The following TLK1 variants were observed in gnomAD, a reference collection of about 807,000 sequenced individuals.
TLK1 encodes serine/threonine-protein kinase tousled-like 1.
In TLK1, 24 loss-of-function variants were observed where a neutral mutation model predicts 105.3. The observed-to-expected ratio is 0.23, with a 90% CI of 0.17 to 0.32. The LOEUF is 0.32. Ranked by LOEUF, TLK1 falls within the 10% of genes least tolerant of loss-of-function variation. TLK1 has a pLI of 1.00. For synonymous variants in TLK1, 321 were observed against 310.4 expected (o/e 1.03, Z -0.36); for missense variants, 558 against 910.5 (o/e 0.61, Z 4.98).
chr2:171,033,083 G>C (rs1396985899), intron 11 of TLK1, among the ~76,000 whole-genome samples: 4 of 151,978 alleles, frequency 2.6e-5, no homozygotes, highest in African/African-American at 7.3e-5. Context: ...ATGGGCACCT[G>C]CAATCCCAGA....
At chr2:171,152,005 C>A (rs935351570) in intron 1 of TLK1, among the ~76,000 whole-genome samples, 2 of 152,202 alleles carry the variant, frequency 1.3e-5, no homozygotes, top group African/African-American at 2.4e-5. Flanking sequence ...TAGCCTCACA[C>A]AAACCCCTCT....
intron 1 of TLK1, among the ~76,000 whole-genome samples, chr2:171,170,015 AG>A (rs1692697247): frequency 6.6e-6 from 1 of 152,238 alleles, no homozygotes; most frequent in Admixed American, 6.5e-5. Context: ...AAAACTGAAA[AG>A]AAACAGCATG....
intron 1 of TLK1, among the ~76,000 whole-genome samples, chr2:171,124,829 G>A (rs1181412320): frequency 6.6e-6 from 1 of 152,138 alleles, no homozygotes; most frequent in East Asian, 1.9e-4. Flanking sequence ...GTTCTGCACA[G>A]GCTATTCAGA....
intron 14 of TLK1, among the ~76,000 whole-genome samples, chr2:171,008,473 GA>G (rs1684748296): frequency 6.6e-6 from 1 of 152,020 alleles, no homozygotes; most frequent in Non-Finnish European, 1.5e-5. Flanking sequence ...GATAATTGAA[GA>G]AAAAACTAAG....
At chr2:171,076,410 T>C (rs568819896) in intron 3 of TLK1, among the ~76,000 whole-genome samples, 12 of 152,142 alleles carry the variant, frequency 7.9e-5, no homozygotes, top group African/African-American at 2.4e-4. Context: ...CACCTGATGC[T>C]TGACACCATG....
chr2:171,113,159 T>A (rs1174673626), intron 2 of TLK1, among the ~76,000 whole-genome samples: 1 of 151,906 alleles, frequency 6.6e-6, no homozygotes, highest in African/African-American at 2.4e-5. Context: ...TACCAAAATA[T>A]GATAATATTT....
At position 171,211,924 on chromosome 2, in the gene TLK1, C is replaced by CA. The variant is rs1185326034; in HGVS notation, c.-6+19220dup. On this transcript the variant is annotated intron_variant, in intron 1 of 20. Transcript: ENST00000521943. Reference sequence around the variant, plus strand: ...GCAGTGGTGCAATCTCGGCTCACTGCAACCGCTGCCTCCTGGGTTCAAGCG... The same window carrying CA: ...GCAGTGGTGCAATCTCGGCTCACTGCAAACCGCTGCCTCCTGGGTTCAAGCG... Among the ~76,000 whole-genome samples, 4 of 151,496 alleles carry CA rather than the reference C, an allele frequency of 2.6e-5. No individual in the cohort carries two copies. The South Asian group carries it at 8.3e-4, about 32-fold the overall frequency.
rs34313687 is a variant in TLK1, at chr2:171,156,569, T to C, written c.139+3721A>G. Among the ~76,000 whole-genome samples, 935 of 152,372 alleles carry C rather than the reference T, an allele frequency of 6.1e-3. 7 individuals are homozygous for C. The highest frequency in any genetic ancestry group is 0.01 in the Non-Finnish European group (713 of 68,040). On this transcript the variant is annotated intron_variant, in intron 1 of 20. Transcript: ENST00000431350. Reference sequence around the variant, plus strand: ...CCTCCGTTCTGGTTTCTCTCTTTTATCTCTCTCCTCTAATATGTAAATGTG... The same window carrying C: ...CCTCCGTTCTGGTTTCTCTCTTTTACCTCTCTCCTCTAATATGTAAATGTG...
chr2:170,996,547 G>T, intron 20 of TLK1, 106 bp downstream of exon 20: 2 of 820,266 alleles, frequency 2.4e-6, no homozygotes, highest in Non-Finnish European at 3.8e-6. Context: ...ATCCCCTGCA[G>T]CAGCGAGTCT....
chr2:171,146,407 C>T (rs908552462), intron 1 of TLK1, among the ~76,000 whole-genome samples: 2 of 152,054 alleles, frequency 1.3e-5, no homozygotes, highest in Non-Finnish European at 2.9e-5. Context: ...GTTATGACAT[C>T]AGCATATGAC....
At position 171,160,381 on chromosome 2, in the gene TLK1, C is replaced by T. The variant is rs1482986570; in HGVS notation, c.48G>A (p.Trp16Ter). Residue 16 changes from tryptophan (W) to a stop codon, truncating the protein, a stop_gained, in exon 1 of 21, where the codon TGG becomes TGA. Transcript: ENST00000431350. LOFTEE classifies it high-confidence loss of function. This position sits in a 1 kb window ranked among gnomAD's most constrained non-coding sequence, Gnocchi z 4.4. The stretch of plus-strand genomic sequence containing the variant: ...GGGTTGGAGACGTGGAGAGCTGGGA[C>T]CAAGATGGCGGCCCCTCCAAACTTC... ...SSGSLEGPPS[W>*]SQLSTSPTPG... 2.5e-6 allele frequency: 4 copies of T among 1,605,720 alleles called. No individual in the cohort carries two copies. Among genetic ancestry groups the T allele is most frequent in the Non-Finnish European group, 3.4e-6 (4 of 1,176,692 alleles).
intron 3 of TLK1, among the ~76,000 whole-genome samples, chr2:171,062,510 T>C (rs1052258890): frequency 4.6e-5 from 7 of 152,188 alleles, no homozygotes; most frequent in African/African-American, 1.2e-4. Flanking sequence ...TTCAGAGAAA[T>C]TGGACCAAAT....
intron 2 of TLK1, among the ~76,000 whole-genome samples, chr2:171,087,574 T>A (rs1689039174): frequency 6.6e-6 from 1 of 151,690 alleles, no homozygotes; most frequent in Admixed American, 6.6e-5. Flanking sequence ...GCCAGAAAAA[T>A]CCCAAAATTT....
intron 1 of TLK1, among the ~76,000 whole-genome samples, chr2:171,217,676 G>A (rs981911893): frequency 5.3e-5 from 8 of 152,112 alleles, no homozygotes; most frequent in African/African-American, 1.9e-4. Context: ...GCTTATAAAG[G>A]TACTTTGAAA....
chr2:171,151,805 T>A (rs1199256114), intron 1 of TLK1, among the ~76,000 whole-genome samples: 1 of 151,366 alleles, frequency 6.6e-6, no homozygotes, highest in Non-Finnish European at 1.5e-5. Flanking sequence ...GAAATAAGTA[T>A]CTTTAAGTAA....
chr2:171,047,842 A>G (rs1309419431), intron 10 of TLK1, among the ~76,000 whole-genome samples: 1 of 152,186 alleles, frequency 6.6e-6, no homozygotes, highest in Non-Finnish European at 1.5e-5. Flanking sequence ...CTCATCTTCT[A>G]ACCACTCTGG....
chr2:171,006,434 T>C lies in TLK1; in HGVS notation c.1768+40A>G, dbSNP rs187281259. On this transcript the variant is annotated intron_variant, in intron 17 of 20. Coordinates refer to ENST00000431350, the MANE Select transcript of TLK1 (RefSeq NM_012290.5). ...CTTAATGAATGACTTTTAAAAACTA[T>C]ACTCAAGTTTAAAAAAAATTAGACA... 436 of 1,531,704 alleles carry C rather than the reference T, an allele frequency of 2.8e-4. 4 individuals carry two copies. The Middle Eastern group carries it at 7.3e-3, about 26-fold the overall frequency. 94.9% of individuals were successfully genotyped at this position (1,531,704 alleles called of 1,614,324 possible).
intron 14 of TLK1, among the ~76,000 whole-genome samples, chr2:171,010,260 T>TGG (rs1684848067): frequency 6.6e-6 from 1 of 152,070 alleles, no homozygotes; most frequent in African/African-American, 2.4e-5. Context: ...GAGCATACGA[T>TGG]GGTTTTTGTG....
At chr2:171,128,329 G>T (rs1029361285) in intron 1 of TLK1, among the ~76,000 whole-genome samples, 3 of 152,136 alleles carry the variant, frequency 2.0e-5, no homozygotes, top group African/African-American at 7.2e-5. Flanking sequence ...AGGTCGATAA[G>T]TTGTGTAAAG....
Sources: gnomAD v4.1 joint callset for allele counts (sites outside exome capture counted in the v4.1 genomes callset) on GRCh38, gnomAD v4.1.1 for gene constraint, Gnocchi (gnomAD v3.1) non-coding constraint, MANE v1.5 for transcripts, NCBI Gene and HGNC (gene_info 2026-07-23, HGNC 2026-07-21) for gene names.